The following CSK variants were observed in gnomAD, a reference collection of about 807,000 sequenced individuals.
CSK encodes C-terminal Src kinase, also known as tyrosine-protein kinase CSK.
Under a neutral mutation model 62.3 loss-of-function variants are expected in CSK, and 7 were observed. The ratio of observed to expected loss-of-function variants is 0.11; its 90% CI spans 0.06 to 0.21. The LOEUF (loss-of-function observed/expected upper bound fraction) is 0.21. Among genes scored for constraint, CSK ranks in the 10% least tolerant of loss-of-function variants. CSK has a pLI of 1.00. For missense variants in CSK, 294 were observed against 613.5 expected, an observed-to-expected ratio of 0.48 and a Z score of 5.50; for synonymous variants, 237 against 246.0, an observed-to-expected ratio of 0.96 and a Z score of 0.34.
intron 1 of CSK, chr15:74,793,168 G>C (rs1341540404): frequency 6.6e-6 from 1 of 152,260 alleles, no homozygotes; most frequent in African/African-American, 2.4e-5. Context: ...CCTCACAGCA[G>C]CCCCCAGAGC....
chr15:74,786,013 T>TGTGTGTGTGTGTG (rs1555464576), intron 1 of CSK, among the ~76,000 whole-genome samples: 1 of 47,814 alleles, frequency 2.1e-5, no homozygotes, highest in African/African-American at 6.7e-5. Flanking sequence ...TTTTTTTTTT[T>TGTGTGTGTGTGTG]TGTGTGTGTG....
chr15:74,799,115 G>T, intron 4 of CSK, 157 bp from the exon 5 acceptor site: 1 of 974,958 alleles, frequency 1.0e-6, no homozygotes, highest in Non-Finnish European at 1.5e-6. Context: ...AGGCAGGAGG[G>T]TGGCAAAGAA....
At chr15:74,801,189 C>G (rs1031624443) in intron 9 of CSK, 87 bp downstream of exon 9, 18 of 1,478,442 alleles carry the variant, frequency 1.2e-5, no homozygotes, top group Non-Finnish European at 1.7e-5. Context: ...CCCTCAGTCC[C>G]CCGACCCCAA....
chr15:74,786,765 G>A (rs1235037315), intron 1 of CSK, among the ~76,000 whole-genome samples: 1 of 152,108 alleles, frequency 6.6e-6, no homozygotes, highest in Non-Finnish European at 1.5e-5. Context: ...TGGCAACCCT[G>A]GGCCTAAGAG....
intron 1 of CSK, among the ~76,000 whole-genome samples, chr15:74,794,996 A>C (rs1394056184): frequency 6.6e-6 from 1 of 151,726 alleles, no homozygotes; most frequent in Non-Finnish European, 1.5e-5. Context: ...CTCAAGGTGG[A>C]CTCTGGAAGT....
At chr15:74,787,154 T>C (rs1208583318) in intron 1 of CSK, among the ~76,000 whole-genome samples, 2 of 152,252 alleles carry the variant, frequency 1.3e-5, no homozygotes, top group Non-Finnish European at 2.9e-5. Context: ...CTTCCCCCTC[T>C]CCTCTGGGTC....
chr15:74,785,235 A>G (rs2063497563), intron 1 of CSK, among the ~76,000 whole-genome samples: 1 of 152,066 alleles, frequency 6.6e-6, no homozygotes, highest in African/African-American at 2.4e-5. Flanking sequence ...TTCATTTAAT[A>G]CTGCGTCTGT....
intron 1 of CSK, among the ~76,000 whole-genome samples, chr15:74,787,508 G>C (rs1170169977): frequency 6.6e-6 from 1 of 152,170 alleles, no homozygotes; most frequent in Non-Finnish European, 1.5e-5. Context: ...GCGACTATTT[G>C]AGAGCTCCCC....
At position 74,799,498 on chromosome 15, in the gene CSK, T is replaced by TG. The variant is rs761852446; in HGVS notation, c.462+13dup. 1.5e-4 allele frequency: 237 copies of TG among 1,611,118 alleles called. No individual in the cohort carries two copies. Among genetic ancestry groups the TG allele is most frequent in the Non-Finnish European group, 1.9e-4 (222 of 1,179,210 alleles). On this transcript the variant is annotated splice_region_variant and intron_variant, in intron 5 of 12. Transcript: ENST00000220003. ...CCTCATGCAGCTGGTGGAGGTGAGC[T>TG]GGGGGGTACAGAGCCTTGCTCCCAC... is the stretch of plus-strand genomic sequence containing the variant.
intron 1 of CSK, among the ~76,000 whole-genome samples, chr15:74,797,059 A>G (rs914563531): frequency 7.9e-5 from 12 of 152,052 alleles, no homozygotes; most frequent in African/African-American, 2.9e-4. Context: ...CTCCCACCTC[A>G]GCCTCCTGAG....
At position 74,798,737 on chromosome 15, in the gene CSK, G is replaced by T; in HGVS notation, c.129+9G>T. On this transcript the variant is annotated intron_variant, in intron 3 of 12. Transcript: ENST00000220003. The surrounding 1 kb of genome is among the most constrained non-coding windows in gnomAD (Gnocchi z 6.6). ...TTGTGGCCGTCACCAAGGTAATCAG[G>T]TGACGCCCACCCCACCATCCCACTG... is the stretch of plus-strand genomic sequence containing the variant. 1 of 1,612,542 alleles carries T rather than the reference G, an allele frequency of 6.2e-7. No homozygotes were observed. Among genetic ancestry groups the T allele is most frequent in the Non-Finnish European group, 8.5e-7 (1 of 1,179,044 alleles).
At chr15:74,800,363 T>G (rs2063770074) in intron 5 of CSK, 49 bp from the exon 6 acceptor site, 1 of 1,554,984 alleles carries the variant, frequency 6.4e-7, no homozygotes, top group South Asian at 1.1e-5. Flanking sequence ...ACGGTGCATA[T>G]GGGGCACCTT....
In CSK at chr15:74,798,903, G is replaced by A; in HGVS notation, c.207G>A (p.Glu69=). The change falls in exon 4 of 13, where the codon GAG becomes GAA. Residue 69 remains glutamate, a synonymous_variant. Transcript: ENST00000220003. This position sits in a 1 kb window ranked among gnomAD's most constrained non-coding sequence, Gnocchi z 6.6. ...IIPANYVQKR[E]GVKAGTKLSL... is the part of the protein sequence containing the mutation. ...CAGCCAACTACGTCCAGAAGCGGGA[G>A]GGCGTGAAGGCGGGTACCAAACTCA... 1 of 1,539,568 alleles carries A rather than the reference G, an allele frequency of 6.5e-7. No individual in the cohort carries two copies. Among genetic ancestry groups the A allele is most frequent in the Admixed American group, 2.0e-5 (1 of 49,216 alleles).
intron 1 of CSK, among the ~76,000 whole-genome samples, chr15:74,783,420 GA>G (rs1364567536): frequency 6.6e-6 from 1 of 151,018 alleles, no homozygotes; most frequent in Non-Finnish European, 1.5e-5. Flanking sequence ...CCAGCCAGCA[GA>G]TTTTTTGGAG....
chr15:74,800,649 G>A (rs1488801783), intron 6 of CSK, 32 bp from the exon 7 acceptor site: 1 of 1,538,078 alleles, frequency 6.5e-7, no homozygotes, highest in Non-Finnish European at 8.8e-7. Context: ...GTCCCTAGTG[G>A]CCTCCAGGCC....
chr15:74,799,265 TC>T lies in CSK; in HGVS notation c.243-3del. 2 of 1,603,654 alleles carry T rather than the reference TC, an allele frequency of 1.2e-6. No homozygotes were observed. On this transcript the variant is annotated splice_polypyrimidine_tract_variant and splice_region_variant and intron_variant, in intron 4 of 12. Coordinates refer to ENST00000220003, the MANE Select transcript of CSK (RefSeq NM_004383.3). The stretch of plus-strand genomic sequence containing the variant: ...CCACCATGACCTCCAGCCCTGCTGC[TC>T]CCCAGTTGGTTCCACGGCAAGATCA...
intron 1 of CSK, among the ~76,000 whole-genome samples, chr15:74,787,400 C>T (rs547177762): frequency 7.9e-5 from 12 of 151,790 alleles, no homozygotes; most frequent in African/African-American, 2.2e-4. Context: ...TAAGTGTAGA[C>T]GGCACCACTC....
At position 74,800,439 on chromosome 15, in the gene CSK, T is replaced by C; in HGVS notation, c.490T>C (p.Cys164Arg). ...EHYTSDADGL[C>R]TRLIKPKVME... ...CTACACCTCAGACGCAGATGGACTC[T>C]GTACGCGCCTCATTAAACCAAAGGT... The change falls in exon 6 of 13, where the codon TGT (cysteine) becomes CGT (arginine). Residue 164 changes from cysteine (C) to arginine (R), a missense_variant. By Grantham distance (180) the Cys-to-Arg change is radical. Transcript: ENST00000220003. 6.2e-7 allele frequency: 1 copy of C among 1,614,096 alleles called. No individual in the cohort carries two copies. Among genetic ancestry groups the C allele is most frequent in the Non-Finnish European group, 8.5e-7 (1 of 1,179,994 alleles).
intron 1 of CSK, chr15:74,797,896 G>A (rs138899686): frequency 9.9e-5 from 18 of 181,066 alleles, no homozygotes; most frequent in Middle Eastern, 2.5e-3. Flanking sequence ...GAGCTGCTCC[G>A]GGGCCCCTTT....
Sources: allele counts gnomAD v4.1 joint callset (sites outside exome capture counted in the v4.1 genomes callset), GRCh38; gene constraint gnomAD v4.1.1; non-coding constraint Gnocchi (gnomAD v3.1); transcripts MANE v1.5; gene names NCBI Gene and HGNC (gene_info 2026-07-23, HGNC 2026-07-21).